Variants in FAM120C observed in about 807,000 individuals in gnomAD.
FAM120C encodes the protein constitutive coactivator of PPAR-gamma-like protein 2.
FAM120C carries 14 observed loss-of-function variants against 71.2 expected under a neutral mutation model. That is an observed-to-expected ratio of 0.20 (90% CI 0.13 to 0.31). The LOEUF is 0.31. Among genes scored for constraint, FAM120C ranks in the 10% least tolerant of loss-of-function variants. The pLI is 1.00. For synonymous variants in FAM120C, 354 were observed against 353.2 expected, an observed-to-expected ratio of 1.00 and a Z score of -0.03; for missense variants, 500 against 879.0, an observed-to-expected ratio of 0.57 and a Z score of 5.45.
At chrX:54,153,682 C>T (rs2067194829) in intron 3 of FAM120C, among the ~76,000 whole-genome samples, 2 of 109,667 alleles carry the variant, frequency 1.8e-5, no homozygotes, top group Non-Finnish European at 3.8e-5. Flanking sequence ...ATTCTCCTGC[C>T]TCAGCCTCCT....
chrX:54,097,181 T>C (rs1373809982), intron 10 of FAM120C, among the ~76,000 whole-genome samples: 2 of 112,175 alleles, frequency 1.8e-5, no homozygotes, highest in East Asian at 2.8e-4. Context: ...AGCTAAGTGA[T>C]GCAGCGACTT....
intron 2 of FAM120C, 100 bp from the exon 3 acceptor site, chrX:54,157,871 C>T: frequency 3.8e-6 from 2 of 525,399 alleles, no homozygotes; most frequent in Non-Finnish European, 6.6e-6. Flanking sequence ...AAATAATTCA[C>T]ATAGGTCTGT....
At chrX:54,130,066 C>T (rs1395484529) in intron 9 of FAM120C, among the ~76,000 whole-genome samples, 3 of 59,233 alleles carry the variant, frequency 5.1e-5, no homozygotes, top group Non-Finnish European at 8.9e-5. Flanking sequence ...AGAGGGACAC[C>T]GTGGGGAGAG....
intron 9 of FAM120C, among the ~76,000 whole-genome samples, chrX:54,117,283 T>C (rs2066972869): frequency 9.4e-6 from 1 of 106,062 alleles, no homozygotes; most frequent in Non-Finnish European, 1.9e-5. Flanking sequence ...AGCCCAGGAG[T>C]TTGAGGCAGC....
At chrX:54,105,615 A>G (rs1898335328) in intron 10 of FAM120C, among the ~76,000 whole-genome samples, 1 of 111,949 alleles carries the variant, frequency 8.9e-6, no homozygotes, top group Non-Finnish European at 1.9e-5. Context: ...GAGGAAGTCA[A>G]ATTGTCCCTG....
intron 10 of FAM120C, among the ~76,000 whole-genome samples, chrX:54,104,762 C>A (rs374230153): frequency 9.3e-6 from 1 of 107,865 alleles, no homozygotes. Flanking sequence ...GAGCCAAGAT[C>A]GTGCCACTGC....
chrX:54,135,452 C>T, intron 6 of FAM120C, 76 bp downstream of exon 6: 1 of 902,236 alleles, frequency 1.1e-6, no homozygotes, highest in Non-Finnish European at 1.6e-6. Flanking sequence ...ACTGAATCAC[C>T]CTAACTCCTC....
In FAM120C at chrX:54,099,013, C is replaced by CT. The variant is rs148758632; in HGVS notation, c.2313-7588dup. 2.5e-4 allele frequency among the ~76,000 whole-genome samples: 12 copies of CT among 47,956 alleles called. 1 individual carries two copies. The highest frequency in any genetic ancestry group is 5.5e-4 in the African/African-American group (7 of 12,613). 41.6% of individuals were successfully genotyped at this position (47,956 alleles called of 115,157 possible). On this transcript the variant is annotated intron_variant, in intron 10 of 15. Transcript: ENST00000375180. Reference sequence around the variant, plus strand: ...CATCATTTATTGCTTTACTTGTAGGCTTTTTTTTTTTTTTTTTTTGAGACA... The same window carrying CT: ...CATCATTTATTGCTTTACTTGTAGGCTTTTTTTTTTTTTTTTTTTTGAGACA...
chrX:54,080,439 C>A, intron 14 of FAM120C, 150 bp from the exon 15 acceptor site: 1 of 477,857 alleles, frequency 2.1e-6, no homozygotes, highest in South Asian at 3.1e-5. Flanking sequence ...CTATCTTGGT[C>A]ATTCCTATAT....
At chrX:54,125,921 C>G (rs1004809610) in intron 9 of FAM120C, among the ~76,000 whole-genome samples, 3 of 112,484 alleles carry the variant, frequency 2.7e-5, no homozygotes, top group Non-Finnish European at 3.7e-5. Flanking sequence ...TTTCAGCATA[C>G]AGATTTTCAA....
intron 4 of FAM120C, among the ~76,000 whole-genome samples, chrX:54,145,609 A>G (rs1376874485): frequency 8.9e-6 from 1 of 112,424 alleles, no homozygotes; most frequent in Non-Finnish European, 1.9e-5. Context: ...ACAATGAGAT[A>G]CCATCTCACA....
chrX:54,161,023 C>T (rs2067233712), intron 1 of FAM120C, among the ~76,000 whole-genome samples: 1 of 111,884 alleles, frequency 8.9e-6, no homozygotes, highest in Non-Finnish European at 1.9e-5. Flanking sequence ...GGGAGAGACA[C>T]CAGTAAGCAG....
intron 10 of FAM120C, among the ~76,000 whole-genome samples, chrX:54,105,850 A>G (rs957006965): frequency 3.0e-4 from 33 of 111,714 alleles, no homozygotes; most frequent in African/African-American, 1.1e-3. Flanking sequence ...ACAACTTACA[A>G]GGGATGTAAA....
chrX:54,118,699 C>CTTTTTT (rs1187381929), intron 9 of FAM120C, among the ~76,000 whole-genome samples: 24 of 31,722 alleles, frequency 7.6e-4, no homozygotes, highest in African/African-American at 2.5e-3. Flanking sequence ...TTCTTTTTTT[C>CTTTTTT]TTTTTTTTTT....
In FAM120C at chrX:54,073,071, G is replaced by A. The variant is rs1557120223; in HGVS notation, c.3253C>T (p.Gln1085Ter). The A allele has an allele frequency of 8.3e-7, 1 of 1,209,283 alleles. No individual in the cohort carries two copies. Among genetic ancestry groups the A allele is most frequent in the Non-Finnish European group, 1.1e-6 (1 of 894,061 alleles). ...NNREKNHLQE[Q>*]KLETVAQRKE... is the part of the protein sequence containing the mutation. Reference sequence around the variant, plus strand: ...CGTTGTGCCACAGTTTCTAGCTTTTGCTCTTGTAAGTGGTTCTTCTCCCTA... The same window carrying A: ...CGTTGTGCCACAGTTTCTAGCTTTTACTCTTGTAAGTGGTTCTTCTCCCTA... Residue 1085 changes from glutamine (Q) to a stop codon, truncating the protein, a stop_gained, in exon 16 of 16, where the codon CAA becomes TAA. Transcript: ENST00000375180. LOFTEE classifies it high-confidence loss of function.
chrX:54,093,446 A>T (rs2066833927), intron 10 of FAM120C, among the ~76,000 whole-genome samples: 1 of 112,041 alleles, frequency 8.9e-6, no homozygotes, highest in South Asian at 3.7e-4. Flanking sequence ...CAGAGGAGGG[A>T]ACATTTCCTA....
chrX:54,124,477 A>G (rs1468440073), intron 9 of FAM120C, among the ~76,000 whole-genome samples: 2 of 84,103 alleles, frequency 2.4e-5, no homozygotes, highest in African/African-American at 4.3e-5. Context: ...GAGTGACCCG[A>G]TTTTCCAGGT....
In FAM120C at chrX:54,152,841, G is replaced by T. The variant is rs1032508088; in HGVS notation, c.1030-1468C>A. Among the ~76,000 whole-genome samples, 18 of 112,041 alleles carry T rather than the reference G, an allele frequency of 1.6e-4. No individual in the cohort carries two copies. The Admixed American group carries it at 1.7e-3, about 11-fold the overall frequency. ...GACAAAAATCTCTGCCCTCATGGGAGCTTAAATTCTAGTGTAGATGTGTTG... is the reference window on the plus strand; with the variant it reads ...GACAAAAATCTCTGCCCTCATGGGATCTTAAATTCTAGTGTAGATGTGTTG... On this transcript the variant is annotated intron_variant, in intron 3 of 15. Transcript: ENST00000375180.
intron 11 of FAM120C, among the ~76,000 whole-genome samples, chrX:54,089,990 AG>A (rs2066815876): frequency 1.8e-5 from 2 of 110,231 alleles, no homozygotes; most frequent in South Asian, 7.9e-4. Context: ...ACACTGTTCT[AG>A]GGGTTTTACA....
Sources: gnomAD v4.1 joint callset for allele counts (sites outside exome capture counted in the v4.1 genomes callset) on GRCh38, gnomAD v4.1.1 for gene constraint, MANE v1.5 for transcripts, NCBI Gene and HGNC (gene_info 2026-07-23, HGNC 2026-07-21) for gene names.